Variants in GSPT1 observed in about 807,000 individuals in gnomAD.
GSPT1 encodes eukaryotic peptide chain release factor GTP-binding subunit ERF3A.
GSPT1 carries 20 observed loss-of-function variants against 72.5 expected under a neutral mutation model. The observed-to-expected ratio is 0.28, with a 90% CI of 0.19 to 0.40. The LOEUF (loss-of-function observed/expected upper bound fraction) is 0.40. Among genes scored for constraint, GSPT1 ranks in the 10% least tolerant of loss-of-function variants. The pLI, the probability that GSPT1 is intolerant of heterozygous loss-of-function variation, is 1.00. For missense variants in GSPT1, 580 were observed against 811.9 expected (o/e 0.71, Z 3.47); for synonymous variants, 334 against 293.5 (o/e 1.14, Z -1.41).
Position 11,909,595 on chromosome 16 carries a change from C to T in GSPT1, c.352+5774G>A, listed in dbSNP as rs969293327. On this transcript the variant is annotated intron_variant, in intron 1 of 14. Transcript: ENST00000434724. ...TAGACAAGTACTGTAAAAAGATAAC[C>T]AGTGCTCTACCTTCAGCACTCTCGA... 2.6e-5 allele frequency among the ~76,000 whole-genome samples: 4 copies of T among 152,216 alleles called. No individual in the cohort carries two copies. The East Asian group carries it at 7.7e-4, about 29-fold the overall frequency.
At chr16:11,914,118 C>T (rs1166971058) in intron 1 of GSPT1, among the ~76,000 whole-genome samples, 3 of 152,236 alleles carry the variant, frequency 2.0e-5, no homozygotes, top group Non-Finnish European at 4.4e-5. Flanking sequence ...CGCTGGATGT[C>T]ATGACCCACC....
In GSPT1 at chr16:11,915,915, G is replaced by A. The variant is rs575355258; in HGVS notation, c.-195C>T. ...CCACACTCGCGACGACGACAGAGGC[G>A]GCGGCGGCGGCAGCTCAACCCTCCT... On this transcript the variant is annotated 5_prime_UTR_variant, in exon 1 of 15. Coordinates refer to ENST00000434724, the MANE Select transcript of GSPT1 (RefSeq NM_002094.4). The A allele has an allele frequency of 1.8e-5, 15 of 816,192 alleles. No homozygotes were observed. Among genetic ancestry groups the A allele is most frequent in the Non-Finnish European group, 2.8e-5 (13 of 472,302 alleles). The allele number at this position is 816,192 out of a possible 1,614,324, so 50.6% of individuals were successfully genotyped here. A position where few individuals can be genotyped will look rare whatever the true frequency, so the allele number is the denominator to read the frequency against.
chr16:11,903,462 C>T (rs749246449), intron 1 of GSPT1, among the ~76,000 whole-genome samples: 5 of 152,162 alleles, frequency 3.3e-5, no homozygotes, highest in Admixed American at 6.5e-5. Context: ...TTGCAGTGAG[C>T]CGAGATTGCA....
rs992747332 is a variant in GSPT1 at position 11,872,037 on chromosome 16, T to C, written c.*1082A>G. The C allele has an allele frequency of 6.6e-6, 1 of 152,232 alleles. No individual in the cohort carries two copies. The highest frequency in any genetic ancestry group is 1.5e-5 in the Non-Finnish European group (1 of 68,040). 9.4% of individuals were successfully genotyped at this position (152,232 alleles called of 1,614,324 possible). A position where few individuals can be genotyped will look rare whatever the true frequency, so the allele number is the denominator to read the frequency against. ...ATTCTGATGATTCTAAATATTTTCA[T>C]TTAGTTGCTAGGTTGAGATTTAGCT... On this transcript the variant is annotated 3_prime_UTR_variant, in exon 15 of 15. Coordinates refer to ENST00000434724, the MANE Select transcript of GSPT1 (RefSeq NM_002094.4).
chr16:11,891,167 TAAAC>T (rs1355731728), intron 5 of GSPT1, 28 bp from the exon 6 acceptor site: 2 of 1,147,224 alleles, frequency 1.7e-6, no homozygotes, highest in Non-Finnish European at 2.5e-6. Flanking sequence ...AAAAAAAAAG[TAAAC>T]AATTACTCAC....
At chr16:11,887,920 T>A (rs992839695) in intron 6 of GSPT1, among the ~76,000 whole-genome samples, 170 bp from the exon 7 acceptor site, 1 of 152,204 alleles carries the variant, frequency 6.6e-6, no homozygotes, top group Non-Finnish European at 1.5e-5. Flanking sequence ...ATCTGAGCAC[T>A]TTGGGAGGCC....
At chr16:11,911,849 G>T (rs960403514) in intron 1 of GSPT1, among the ~76,000 whole-genome samples, 6 of 90,806 alleles carry the variant, frequency 6.6e-5, no homozygotes, top group Non-Finnish European at 1.4e-4. Flanking sequence ...ACTGCACCCA[G>T]CTGTATTTTT....
At chr16:11,889,329 C>CTTTTTTTTTTTT (rs902991145) in intron 6 of GSPT1, among the ~76,000 whole-genome samples, 1 of 60,040 alleles carries the variant, frequency 1.7e-5, no homozygotes, top group African/African-American at 7.5e-5. Context: ...CCCTCTTCTT[C>CTTTTTTTTTTTT]TTTTTTTTTT....
At chr16:11,887,798 T>A (rs200087379) in intron 6 of GSPT1, 48 bp from the exon 7 acceptor site, 1 of 1,247,846 alleles carries the variant, frequency 8.0e-7, no homozygotes, top group Non-Finnish European at 1.1e-6. Flanking sequence ...AACATCAGAG[T>A]TTTTAGGATA....
chr16:11,874,494 T>C (rs2054016083), intron 14 of GSPT1, among the ~76,000 whole-genome samples: 1 of 136,700 alleles, frequency 7.3e-6, no homozygotes, highest in Admixed American at 8.4e-5. Flanking sequence ...TAAAGCCAAG[T>C]TAGCTTTTAG....
intron 4 of GSPT1, among the ~76,000 whole-genome samples, chr16:11,896,080 C>A (rs1454210567): frequency 6.6e-6 from 1 of 152,194 alleles, no homozygotes; most frequent in Non-Finnish European, 1.5e-5. Context: ...TAGAGAATAT[C>A]TGAGTAAATT....
At chr16:11,907,111 A>G (rs1381282465) in intron 1 of GSPT1, among the ~76,000 whole-genome samples, 1 of 152,228 alleles carries the variant, frequency 6.6e-6, no homozygotes, top group Non-Finnish European at 1.5e-5. Flanking sequence ...AAATGTAAAA[A>G]GAAGTAATTT....
intron 1 of GSPT1, among the ~76,000 whole-genome samples, chr16:11,899,249 T>C (rs1203820926): frequency 6.6e-6 from 1 of 152,222 alleles, no homozygotes; most frequent in East Asian, 1.9e-4. Context: ...GAAAGTGTTT[T>C]GGGCCCAACC....
At chr16:11,912,477 G>T (rs2054572916) in intron 1 of GSPT1, among the ~76,000 whole-genome samples, 1 of 152,080 alleles carries the variant, frequency 6.6e-6, no homozygotes, top group South Asian at 2.1e-4. Flanking sequence ...CTAAGTTTTG[G>T]AGACAGTGCC....
intron 1 of GSPT1, among the ~76,000 whole-genome samples, chr16:11,898,942 A>C (rs2054373197): frequency 6.6e-6 from 1 of 152,220 alleles, no homozygotes; most frequent in Non-Finnish European, 1.5e-5. Context: ...GCAACAATCC[A>C]GTTTCCAGTT....
Position 11,868,617 on chromosome 16 carries a change from T to C in GSPT1, c.*4502A>G, listed in dbSNP as rs972260578. The C allele has an allele frequency of 1.3e-5, 2 of 152,074 alleles. No individual in the cohort carries two copies. The highest frequency in any genetic ancestry group is 4.2e-4 in the South Asian group (2 of 4,816). 9.4% of individuals were successfully genotyped at this position (152,074 alleles called of 1,614,324 possible). A position where few individuals can be genotyped will look rare whatever the true frequency, so the allele number is the denominator to read the frequency against. ...ACCTGAAGAGTGCAAGCGCTCCAGC[T>C]CCAGCACACACACTCTTCCCTGGGC... On this transcript the variant is annotated 3_prime_UTR_variant, in exon 15 of 15. Transcript: ENST00000434724.
rs529685413 is a variant in GSPT1 at position 11,910,092 on chromosome 16, G to A, written c.352+5277C>T. Among the ~76,000 whole-genome samples, 111 of 152,146 alleles carry A rather than the reference G, an allele frequency of 7.3e-4. 1 individual carries two copies. The highest frequency in any genetic ancestry group is 2.7e-3 in the South Asian group (13 of 4,818). On this transcript the variant is annotated intron_variant, in intron 1 of 14. Coordinates refer to ENST00000434724, the MANE Select transcript of GSPT1 (RefSeq NM_002094.4). The stretch of plus-strand genomic sequence containing the variant: ...AGCTTGGGTGACAAAGTAAGATCCC[G>A]TCTCTAAAAAATAATAAGTAAAAAG...
intron 1 of GSPT1, among the ~76,000 whole-genome samples, chr16:11,898,677 C>T (rs377473099): frequency 5.9e-5 from 9 of 151,962 alleles, no homozygotes; most frequent in Non-Finnish European, 1.3e-4. Flanking sequence ...TTTTGAACTA[C>T]GACCTCAGGT....
intron 11 of GSPT1, among the ~76,000 whole-genome samples, chr16:11,878,048 A>G (rs1314507890): frequency 6.6e-6 from 1 of 152,236 alleles, no homozygotes; most frequent in Non-Finnish European, 1.5e-5. Flanking sequence ...CTATTTAATG[A>G]ATACATCATT....
Sources: gnomAD v4.1 joint callset for allele counts (sites outside exome capture counted in the v4.1 genomes callset) on GRCh38, gnomAD v4.1.1 for gene constraint, MANE v1.5 for transcripts, NCBI Gene and HGNC (gene_info 2026-07-23, HGNC 2026-07-21) for gene names.